The following STK32B variants were observed in gnomAD, a reference collection of about 807,000 sequenced individuals.
The protein encoded by STK32B is serine/threonine kinase 32B, also known as serine/threonine-protein kinase 32B.
In STK32B, 43 loss-of-function variants were observed where a neutral mutation model predicts 52.6. That is an observed-to-expected ratio of 0.82 (90% CI 0.64 to 1.05). STK32B has a LOEUF of 1.05. STK32B is among the 50% of genes least tolerant of loss of function. STK32B has a pLI of 0.00. For synonymous variants in STK32B, 238 were observed against 204.3 expected (o/e 1.17, Z -1.41); for missense variants, 621 against 534.6 (o/e 1.16, Z -1.59).
At chr4:5,441,311 A>G (rs557111429) in intron 6 of STK32B, among the ~76,000 whole-genome samples, 6 of 151,704 alleles carry the variant, frequency 4.0e-5, no homozygotes, top group Admixed American at 2.0e-4. Context: ...CAGAGATTCA[A>G]CTTCTTCCTG....
At chr4:5,320,923 T>C (rs1731444734) in intron 3 of STK32B, among the ~76,000 whole-genome samples, 1 of 152,220 alleles carries the variant, frequency 6.6e-6, no homozygotes, top group South Asian at 2.1e-4. Context: ...ACAGAATGAC[T>C]GGTTTTTAGG....
chr4:5,056,565 G>A (rs1474618108), intron 1 of STK32B, among the ~76,000 whole-genome samples: 3 of 152,234 alleles, frequency 2.0e-5, no homozygotes. Context: ...TTATTCTCAG[G>A]CGGGCTCTCT....
chr4:5,369,666 G>T (rs1039496585), intron 4 of STK32B, among the ~76,000 whole-genome samples: 1 of 152,078 alleles, frequency 6.6e-6, no homozygotes, highest in African/African-American at 2.4e-5. Flanking sequence ...TACCCTCATG[G>T]TCTTTGTATT....
intron 6 of STK32B, among the ~76,000 whole-genome samples, chr4:5,433,477 C>T (rs1713767113): frequency 6.6e-6 from 1 of 152,128 alleles, no homozygotes; most frequent in Non-Finnish European, 1.5e-5. Context: ...CATGGTCTTG[C>T]CTTGAAGAAA....
upstream of STK32B, among the ~76,000 whole-genome samples, chr4:5,048,195 T>C (rs1022502059): frequency 6.6e-6 from 1 of 151,940 alleles, no homozygotes; most frequent in Non-Finnish European, 1.5e-5. Flanking sequence ...AGTGACGCAA[T>C]CTTGGCTCAC....
chr4:5,180,348 C>T (rs1385946335), intron 3 of STK32B, among the ~76,000 whole-genome samples: 1 of 152,222 alleles, frequency 6.6e-6, no homozygotes, highest in African/African-American at 2.4e-5. Context: ...TTCTTTAATT[C>T]TCCCAACAGC....
intron 1 of STK32B, among the ~76,000 whole-genome samples, chr4:5,065,636 A>G (rs1742391988): frequency 6.6e-6 from 1 of 152,242 alleles, no homozygotes; most frequent in African/African-American, 2.4e-5. Context: ...AAATGTCTAC[A>G]GGGTCCAGCT....
chr4:5,430,613 ATT>A (rs1029737776), intron 6 of STK32B, among the ~76,000 whole-genome samples: 56 of 152,204 alleles, frequency 3.7e-4, no homozygotes, highest in African/African-American at 1.3e-3. Flanking sequence ...GTGTCTGATA[ATT>A]TTTTATTAAA....
chr4:5,353,188 G>A (rs1733948125), intron 4 of STK32B, among the ~76,000 whole-genome samples: 1 of 152,054 alleles, frequency 6.6e-6, no homozygotes, highest in Non-Finnish European at 1.5e-5. Context: ...GGTGCTAGGA[G>A]AACTGTATAT....
chr4:5,314,562 C>T (rs773880208), intron 3 of STK32B, among the ~76,000 whole-genome samples: 2 of 151,986 alleles, frequency 1.3e-5, no homozygotes, highest in East Asian at 1.9e-4. Flanking sequence ...GCCAGCTACT[C>T]GGGAGGCTGA....
At chr4:5,021,792 G>A in the STK32B span, among the ~76,000 whole-genome samples, 1 of 152,218 alleles carries the variant, frequency 6.6e-6, no homozygotes, top group South Asian at 2.1e-4. Flanking sequence ...CATTGAGCAT[G>A]AGAATGAATG....
upstream of STK32B, among the ~76,000 whole-genome samples, chr4:5,048,874 C>T (rs896354619): frequency 3.9e-5 from 6 of 152,198 alleles, no homozygotes; most frequent in African/African-American, 9.7e-5. Context: ...CCATGCAGAG[C>T]GCTTGAAGTA....
intron 3 of STK32B, among the ~76,000 whole-genome samples, chr4:5,270,319 A>T (rs544147389): frequency 1.3e-5 from 2 of 152,302 alleles, no homozygotes; most frequent in Admixed American, 1.3e-4. Flanking sequence ...GAAGGCAGGA[A>T]GCATCCAGCA....
At chr4:5,255,868 A>G (rs575081535) in intron 3 of STK32B, among the ~76,000 whole-genome samples, 3 of 152,286 alleles carry the variant, frequency 2.0e-5, no homozygotes, top group African/African-American at 7.2e-5. Context: ...GATTCTATGA[A>G]TAAAGCTGCT....
the STK32B span, among the ~76,000 whole-genome samples, chr4:5,029,601 C>T: frequency 5.9e-5 from 9 of 152,142 alleles, no homozygotes; most frequent in Non-Finnish European, 1.2e-4. Context: ...CTGTTAACAA[C>T]CCATACAGCC....
chr4:5,141,941 A>G (rs1560173537), intron 2 of STK32B, among the ~76,000 whole-genome samples: 1 of 151,650 alleles, frequency 6.6e-6, no homozygotes, highest in Non-Finnish European at 1.5e-5. Context: ...ACTTTGTTAG[A>G]GAAGGACTTC....
At chr4:5,421,497 C>T (rs1158226218) in intron 6 of STK32B, among the ~76,000 whole-genome samples, 1 of 152,118 alleles carries the variant, frequency 6.6e-6, no homozygotes, top group African/African-American at 2.4e-5. Flanking sequence ...AGTGCTGGGA[C>T]TGCAGGCATG....
chr4:5,081,184 A>AAT (rs1577055466), intron 1 of STK32B, among the ~76,000 whole-genome samples: 1 of 152,126 alleles, frequency 6.6e-6, no homozygotes, highest in African/African-American at 2.4e-5. Context: ...TAATACGTTT[A>AAT]ATATATATAT....
At chr4:5,458,894 C>G (rs1169492247) in intron 8 of STK32B, 2 of 152,158 alleles carry the variant, frequency 1.3e-5, no homozygotes, top group Non-Finnish European at 2.9e-5. Flanking sequence ...TCACCTGGTT[C>G]TTATAAGTCA....
Sources: allele counts gnomAD v4.1 joint callset (sites outside exome capture counted in the v4.1 genomes callset), GRCh38; gene constraint gnomAD v4.1.1; transcripts MANE v1.5; gene names NCBI Gene and HGNC (gene_info 2026-07-23, HGNC 2026-07-21).